The following PTPRN2 variants were observed in gnomAD, a reference collection of about 807,000 sequenced individuals.
PTPRN2 encodes the protein receptor-type tyrosine-protein phosphatase N2.
Under a neutral mutation model 118.8 loss-of-function variants are expected in PTPRN2, and 74 were observed. The observed-to-expected ratio is 0.62, with a 90% CI of 0.52 to 0.76. The LOEUF is 0.76. Among genes scored for constraint, PTPRN2 ranks in the 30% least tolerant of loss-of-function variants. The pLI is 0.00. For synonymous variants in PTPRN2, 641 were observed against 608.0 expected (o/e 1.05, Z -0.80); for missense variants, 1,481 against 1,394.4 (o/e 1.06, Z -0.99).
intron 2 of PTPRN2, among the ~76,000 whole-genome samples, chr7:158,373,377 T>C (rs1294597440): frequency 2.6e-5 from 4 of 152,256 alleles, no homozygotes; most frequent in Non-Finnish European, 5.9e-5. Flanking sequence ...TGAGTAACGC[T>C]AATTTCATAG....
chr7:158,360,094 T>A (rs62493659), intron 2 of PTPRN2, among the ~76,000 whole-genome samples: 2 of 34,748 alleles, frequency 5.8e-5, no homozygotes, highest in Admixed American at 2.4e-4. Context: ...TCACCCAGGA[T>A]GACGCACAGA....
chr7:157,843,231 T>C (rs576267017), intron 12 of PTPRN2, among the ~76,000 whole-genome samples: 1 of 152,334 alleles, frequency 6.6e-6, no homozygotes, highest in African/African-American at 2.4e-5. Flanking sequence ...TAAAGCCTAA[T>C]GGTATGTATG....
chr7:158,053,939 CTCCAGAGATGCAGAGA>C (rs1809556923), intron 11 of PTPRN2, among the ~76,000 whole-genome samples: 2 of 149,376 alleles, frequency 1.3e-5, no homozygotes, highest in African/African-American at 5.0e-5. Flanking sequence ...GACGCAGAGA[CTCCAGAGATGCAGAGA>C]CCCCAGAGAT....
At chr7:158,228,639 A>G (rs1828970797) in intron 3 of PTPRN2, among the ~76,000 whole-genome samples, 1 of 151,998 alleles carries the variant, frequency 6.6e-6, no homozygotes. Flanking sequence ...AACACAGAAA[A>G]TTGAAAACAC....
chr7:157,916,837 C>T, intron 11 of PTPRN2, among the ~76,000 whole-genome samples: 1 of 140,844 alleles, frequency 7.1e-6, no homozygotes, highest in African/African-American at 2.8e-5. Flanking sequence ...TGGCCACGCA[C>T]CCCGGCCACT....
chr7:157,654,442 G>A (rs1430341875), intron 14 of PTPRN2, among the ~76,000 whole-genome samples: 1 of 152,224 alleles, frequency 6.6e-6, no homozygotes, highest in African/African-American at 2.4e-5. Context: ...GGAAGATCCA[G>A]TTTCCCTGAG....
At chr7:157,626,254 G>A (rs1803563312) in intron 14 of PTPRN2, among the ~76,000 whole-genome samples, 1 of 152,108 alleles carries the variant, frequency 6.6e-6, no homozygotes, top group South Asian at 2.1e-4. Flanking sequence ...CCAGGTTGGC[G>A]TTTCTGGTGC....
At chr7:158,412,532 A>T (rs940619227) in intron 2 of PTPRN2, among the ~76,000 whole-genome samples, 4 of 68,424 alleles carry the variant, frequency 5.8e-5, no homozygotes, top group East Asian at 4.6e-4. Context: ...CCTCCTCAGC[A>T]CCAGGGCCCA....
chr7:158,288,613 T>A (rs1427548175), intron 3 of PTPRN2, among the ~76,000 whole-genome samples: 1 of 152,220 alleles, frequency 6.6e-6, no homozygotes, highest in Non-Finnish European at 1.5e-5. Flanking sequence ...AATGTCACAA[T>A]TCATATCTTT....
At chr7:158,276,947 T>C (rs1361325601) in intron 3 of PTPRN2, among the ~76,000 whole-genome samples, 1 of 152,104 alleles carries the variant, frequency 6.6e-6, no homozygotes, top group Non-Finnish European at 1.5e-5. Flanking sequence ...AGCCAAACTC[T>C]CAGGCAGCCC....
At chr7:158,147,471 T>A (rs867360027) in intron 6 of PTPRN2, among the ~76,000 whole-genome samples, 1 of 39,450 alleles carries the variant, frequency 2.5e-5, no homozygotes, top group East Asian at 8.0e-4. Context: ...TCACACCACG[T>A]GTCTTTCCCC....
intron 12 of PTPRN2, among the ~76,000 whole-genome samples, chr7:157,797,059 C>T (rs566735907): frequency 2.9e-4 from 44 of 152,338 alleles, no homozygotes; most frequent in Middle Eastern, 3.4e-3. Context: ...GGCCCATGAA[C>T]GGGCACTGGG....
chr7:157,713,805 T>C (rs1483450998), intron 12 of PTPRN2, among the ~76,000 whole-genome samples: 1 of 152,326 alleles, frequency 6.6e-6, no homozygotes, highest in African/African-American at 2.4e-5. Context: ...GGTCTGGACA[T>C]GGAGCCACAG....
intron 3 of PTPRN2, among the ~76,000 whole-genome samples, chr7:158,258,445 G>A (rs1053338812): frequency 7.2e-5 from 11 of 152,150 alleles, no homozygotes; most frequent in East Asian, 1.9e-4. Flanking sequence ...ATGAATCGCC[G>A]CGAGACGACC....
intron 12 of PTPRN2, among the ~76,000 whole-genome samples, chr7:157,805,830 T>C (rs1456412496): frequency 6.6e-6 from 1 of 152,166 alleles, no homozygotes; most frequent in East Asian, 1.9e-4. Context: ...ATGGAGTGTC[T>C]GTGTGAGCCT....
At chr7:158,462,631 G>T (rs1271223945) in intron 2 of PTPRN2, among the ~76,000 whole-genome samples, 1 of 152,170 alleles carries the variant, frequency 6.6e-6, no homozygotes, top group Admixed American at 6.5e-5. Context: ...GTTCCTCAAT[G>T]AATTCCTCTC....
chr7:158,093,350 C>T lies in PTPRN2; in HGVS notation c.1644-11973G>A, dbSNP rs138964485. ...TCCTTTCCTGACTCTGCCGCTGGACCGACCCCCACACTGTGGACCCACAGG... is the reference window on the plus strand; with the variant it reads ...TCCTTTCCTGACTCTGCCGCTGGACTGACCCCCACACTGTGGACCCACAGG... On this transcript the variant is annotated intron_variant, in intron 10 of 22. Transcript: ENST00000389418. The surrounding 1 kb of genome is among the most constrained non-coding windows in gnomAD (Gnocchi z 4.4). 2.9e-3 allele frequency among the ~76,000 whole-genome samples: 427 copies of T among 147,084 alleles called. 4 individuals are homozygous for T. The highest frequency in any genetic ancestry group is 0.011 in the African/African-American group (419 of 37,336).
At chr7:158,518,587 G>T (rs535482461) in intron 1 of PTPRN2, among the ~76,000 whole-genome samples, 3 of 152,134 alleles carry the variant, frequency 2.0e-5, no homozygotes, top group African/African-American at 7.2e-5. Context: ...TTACCAGGAC[G>T]GCATGACCAT....
chr7:157,700,880 CT>C (rs1346097558), intron 12 of PTPRN2, among the ~76,000 whole-genome samples: 1 of 152,198 alleles, frequency 6.6e-6, no homozygotes, highest in Non-Finnish European at 1.5e-5. Context: ...CAGCGGTGGG[CT>C]CGGGGCCTTT....
Sources: allele counts gnomAD v4.1 joint callset (sites outside exome capture counted in the v4.1 genomes callset), GRCh38; gene constraint gnomAD v4.1.1; non-coding constraint Gnocchi (gnomAD v3.1); transcripts MANE v1.5; gene names NCBI Gene and HGNC (gene_info 2026-07-23, HGNC 2026-07-21).